SAMTOR: variants seen among roughly 807,000 people sequenced by gnomAD.
SAMTOR encodes UPF0532 protein C7orf60.
chr7:112,857,123 C>T, the SAMTOR span, among the ~76,000 whole-genome samples: 2 of 122,422 alleles, frequency 1.6e-5, no homozygotes, highest in South Asian at 2.4e-4. Context: ...TCTCGCCTGT[C>T]GCCCAGGCCG....
the SAMTOR span, among the ~76,000 whole-genome samples, chr7:112,900,332 A>G: frequency 2.6e-5 from 4 of 152,204 alleles, no homozygotes. Flanking sequence ...GTTGTAGTCT[A>G]AGTTCAAAGG....
chr7:112,917,711 A>G, the SAMTOR span, among the ~76,000 whole-genome samples: 1 of 152,164 alleles, frequency 6.6e-6, no homozygotes, highest in Non-Finnish European at 1.5e-5. Flanking sequence ...AAAAATTTAG[A>G]CAAATGTATA....
At chr7:112,872,900 T>A in the SAMTOR span, among the ~76,000 whole-genome samples, 2 of 151,244 alleles carry the variant, frequency 1.3e-5, no homozygotes, top group Non-Finnish European at 2.9e-5. Context: ...AAGAACCAAA[T>A]CAAGAATGCA....
the SAMTOR span, among the ~76,000 whole-genome samples, chr7:112,885,012 T>C: frequency 6.6e-6 from 1 of 152,226 alleles, no homozygotes; most frequent in Non-Finnish European, 1.5e-5. Context: ...ACACTTTGTA[T>C]GCACCCACAG....
At chr7:112,921,575 A>G in the SAMTOR span, among the ~76,000 whole-genome samples, 1 of 147,696 alleles carries the variant, frequency 6.8e-6, no homozygotes, top group Non-Finnish European at 1.5e-5. Flanking sequence ...AGCAATGGCA[A>G]CAAAAGCCAA....
chr7:112,821,783 A>T, the SAMTOR span: 6 of 1,610,602 alleles, frequency 3.7e-6, no homozygotes, highest in Non-Finnish European at 5.1e-6. Flanking sequence ...GCTCATAGAA[A>T]GGAATAGAGC....
chr7:112,891,591 C>T, the SAMTOR span, among the ~76,000 whole-genome samples: 4 of 152,128 alleles, frequency 2.6e-5, no homozygotes, highest in African/African-American at 9.7e-5. Context: ...AATATTACAG[C>T]GAAATACCTC....
At chr7:112,854,659 A>G in the SAMTOR span, among the ~76,000 whole-genome samples, 1 of 152,198 alleles carries the variant, frequency 6.6e-6, no homozygotes, top group Non-Finnish European at 1.5e-5. Context: ...CTGTATGGTT[A>G]AGGAACTTAA....
At chr7:112,874,850 A>G in the SAMTOR span, among the ~76,000 whole-genome samples, 3 of 152,256 alleles carry the variant, frequency 2.0e-5, no homozygotes, top group African/African-American at 7.2e-5. Flanking sequence ...TGCTGTCATA[A>G]CCACATAAAA....
At chr7:112,832,939 CTTAT>C in the SAMTOR span, among the ~76,000 whole-genome samples, 2 of 151,840 alleles carry the variant, frequency 1.3e-5, no homozygotes, top group African/African-American at 4.8e-5. Context: ...TATATATTTA[CTTAT>C]TTAATTTTTT....
At chr7:112,863,328 T>A in the SAMTOR span, among the ~76,000 whole-genome samples, 1 of 152,044 alleles carries the variant, frequency 6.6e-6, no homozygotes, top group Non-Finnish European at 1.5e-5. Flanking sequence ...AAAGTATAAA[T>A]CCCTGAAAGA....
chr7:112,843,291 G>T, the SAMTOR span, among the ~76,000 whole-genome samples: 13 of 151,900 alleles, frequency 8.6e-5, no homozygotes, highest in Non-Finnish European at 1.8e-4. Context: ...ACTATTACAA[G>T]AAAAACAAAG....
chr7:112,917,121 G>T, the SAMTOR span, among the ~76,000 whole-genome samples: 3 of 152,268 alleles, frequency 2.0e-5, no homozygotes, highest in African/African-American at 7.2e-5. Flanking sequence ...CACGCAGCTG[G>T]AGATCTGAGA....
At chr7:112,870,750 T>TAA in the SAMTOR span, among the ~76,000 whole-genome samples, 72 of 135,684 alleles carry the variant, frequency 5.3e-4, no homozygotes, top group African/African-American at 1.6e-3. Context: ...GAAATTGGAT[T>TAA]AAAAAAAAAA....
At chr7:112,915,311 A>C in the SAMTOR span, 2 of 1,610,802 alleles carry the variant, frequency 1.2e-6, no homozygotes, top group Non-Finnish European at 1.7e-6. Flanking sequence ...CTTACCTACA[A>C]CACCATTCAA....
chr7:112,922,895 C>CCG, the SAMTOR span, among the ~76,000 whole-genome samples: 1 of 142,404 alleles, frequency 7.0e-6, no homozygotes, highest in African/African-American at 2.7e-5. Context: ...GTCAGCCCCC[C>CCG]CCCCCCGGGC....
chr7:112,848,363 CATT>C, the SAMTOR span, among the ~76,000 whole-genome samples: 3 of 152,124 alleles, frequency 2.0e-5, no homozygotes, highest in African/African-American at 7.2e-5. Flanking sequence ...ATTTGACAAA[CATT>C]ATTGAATACC....
chr7:112,932,368 G>C, the SAMTOR span, among the ~76,000 whole-genome samples: 1 of 152,026 alleles, frequency 6.6e-6, no homozygotes, highest in African/African-American at 2.4e-5. Context: ...ATGCTATTCA[G>C]AATAACTTGG....
chr7:112,901,234 G>A, the SAMTOR span, among the ~76,000 whole-genome samples: 16,637 of 152,232 alleles, frequency 0.11, 1,226 homozygotes, highest in Middle Eastern at 0.32. Flanking sequence ...GTGAAGCTTC[G>A]TCTGTATTTA....
Sources: allele counts gnomAD v4.1 joint callset (sites outside exome capture counted in the v4.1 genomes callset), GRCh38; gene constraint gnomAD v4.1.1; transcripts MANE v1.5; gene names NCBI Gene and HGNC (gene_info 2026-07-23, HGNC 2026-07-21).